MEIS2: variants seen among roughly 807,000 people sequenced by gnomAD.
The protein encoded by MEIS2 is Meis homeobox 2, also known as homeobox protein Meis2.
In MEIS2, 9 loss-of-function variants were observed where a neutral mutation model predicts 58.6. The observed-to-expected ratio is 0.15, with a 90% CI of 0.09 to 0.27. MEIS2 has a LOEUF of 0.27. MEIS2 is among the 10% of genes least tolerant of loss of function. MEIS2 has a pLI of 1.00. For synonymous variants in MEIS2, 221 were observed against 228.4 expected (o/e 0.97, Z 0.29); for missense variants, 427 against 635.0 (o/e 0.67, Z 3.52).
At chr15:36,902,604 A>T (rs772240512) in intron 9 of MEIS2, among the ~76,000 whole-genome samples, 1 of 152,236 alleles carries the variant, frequency 6.6e-6, no homozygotes, top group Non-Finnish European at 1.5e-5. Flanking sequence ...AAAGATCTCC[A>T]AGGGATTTAT....
At chr15:37,064,575 T>C (rs1254310104) in intron 7 of MEIS2, among the ~76,000 whole-genome samples, 2 of 152,306 alleles carry the variant, frequency 1.3e-5, no homozygotes, top group Middle Eastern at 3.4e-3. Flanking sequence ...CAAAATGGAA[T>C]ACTATTTTTG....
At chr15:36,925,085 A>G (rs2057689847) in intron 9 of MEIS2, among the ~76,000 whole-genome samples, 1 of 152,204 alleles carries the variant, frequency 6.6e-6, no homozygotes, top group South Asian at 2.1e-4. Flanking sequence ...TGTATCCCTC[A>G]AGGCTGTCTC....
chr15:36,999,589 A>G (rs2060648858), intron 8 of MEIS2, among the ~76,000 whole-genome samples: 1 of 152,164 alleles, frequency 6.6e-6, no homozygotes, highest in Admixed American at 6.5e-5. Context: ...CATTTTTAAG[A>G]ACACAGGGCC....
chr15:36,986,049 G>A (rs1996888), intron 8 of MEIS2, among the ~76,000 whole-genome samples: 1,567 of 152,266 alleles, frequency 0.01, 17 homozygotes, highest in Middle Eastern at 0.017. Flanking sequence ...CATGGGCATT[G>A]AGAGATAAAT....
chr15:37,085,804 T>C (rs1275126082), intron 6 of MEIS2, among the ~76,000 whole-genome samples: 1 of 152,180 alleles, frequency 6.6e-6, no homozygotes, highest in African/African-American at 2.4e-5. Context: ...TGAGCTCTCT[T>C]TTTAATCTAA....
At chr15:37,039,780 G>A (rs1465544749) in intron 7 of MEIS2, among the ~76,000 whole-genome samples, 1 of 152,054 alleles carries the variant, frequency 6.6e-6, no homozygotes, top group African/African-American at 2.4e-5. Flanking sequence ...AAACAATAAT[G>A]TGTCTAGTTT....
chr15:36,904,433 T>A (rs921556061), intron 9 of MEIS2, among the ~76,000 whole-genome samples: 3 of 152,136 alleles, frequency 2.0e-5, no homozygotes, highest in Non-Finnish European at 4.4e-5. Flanking sequence ...GAAGCCTTAT[T>A]GTAGCAACCA....
intron 9 of MEIS2, among the ~76,000 whole-genome samples, chr15:36,928,100 C>T (rs2057821813): frequency 6.6e-6 from 1 of 152,098 alleles, no homozygotes; most frequent in African/African-American, 2.4e-5. Context: ...TGTGAAAATA[C>T]TCCAGCATCA....
chr15:37,081,169 AT>A (rs575300410), intron 7 of MEIS2, among the ~76,000 whole-genome samples: 44 of 152,254 alleles, frequency 2.9e-4, no homozygotes, highest in Non-Finnish European at 5.6e-4. Flanking sequence ...ATTCATCCCT[AT>A]TTTTTGTGTT....
chr15:37,015,330 A>G (rs148767261), intron 8 of MEIS2, among the ~76,000 whole-genome samples: 10 of 152,328 alleles, frequency 6.6e-5, no homozygotes, highest in African/African-American at 2.4e-4. Flanking sequence ...TGGCCCTCTA[A>G]ACCCCTTTGA....
chr15:37,033,662 T>C (rs2062023876), intron 8 of MEIS2, among the ~76,000 whole-genome samples: 1 of 152,222 alleles, frequency 6.6e-6, no homozygotes, highest in Admixed American at 6.5e-5. Context: ...ACATTTCACT[T>C]TGAAAGTCGA....
At chr15:37,008,864 T>C (rs1345899377) in intron 8 of MEIS2, among the ~76,000 whole-genome samples, 1 of 152,144 alleles carries the variant, frequency 6.6e-6, no homozygotes, top group African/African-American at 2.4e-5. Flanking sequence ...AAGGAGAATT[T>C]TCAGGCTGAG....
chr15:36,951,310 G>C (rs1158101039), intron 8 of MEIS2, among the ~76,000 whole-genome samples: 1 of 151,998 alleles, frequency 6.6e-6, no homozygotes, highest in African/African-American at 2.4e-5. Context: ...CTATTAAATA[G>C]GTCCCTGCTC....
At chr15:37,027,436 T>C (rs559419929) in intron 8 of MEIS2, among the ~76,000 whole-genome samples, 1 of 152,326 alleles carries the variant, frequency 6.6e-6, no homozygotes, top group South Asian at 2.1e-4. Flanking sequence ...TTGCAAACTG[T>C]GGTCATGTGG....
At chr15:36,937,860 T>C (rs1028719986) in intron 9 of MEIS2, among the ~76,000 whole-genome samples, 7 of 152,176 alleles carry the variant, frequency 4.6e-5, no homozygotes, top group African/African-American at 1.7e-4. Context: ...TCTATTTGAG[T>C]CAAAATTTTT....
intron 9 of MEIS2, among the ~76,000 whole-genome samples, chr15:36,949,068 C>A (rs1462143301): frequency 6.6e-6 from 1 of 151,968 alleles, no homozygotes; most frequent in East Asian, 1.9e-4. Flanking sequence ...TTCTGTACAG[C>A]ACTAGGCATG....
chr15:37,069,654 CTG>C (rs1890422757), intron 7 of MEIS2, among the ~76,000 whole-genome samples: 1 of 152,156 alleles, frequency 6.6e-6, no homozygotes, highest in Admixed American at 6.5e-5. Context: ...CCAAGAGGGA[CTG>C]TAATTCTAGA....
chr15:36,939,817 A>T (rs1409866655), intron 9 of MEIS2, among the ~76,000 whole-genome samples: 1 of 152,224 alleles, frequency 6.6e-6, no homozygotes, highest in East Asian at 1.9e-4. Flanking sequence ...TATTTATAAT[A>T]TCTAAAATTC....
At chr15:36,977,128 A>AAAAAC (rs756499293) in intron 8 of MEIS2, among the ~76,000 whole-genome samples, 9 of 152,044 alleles carry the variant, frequency 5.9e-5, no homozygotes, top group African/African-American at 2.2e-4. Flanking sequence ...CTCCATCTCA[A>AAAAAC]AAAACAAAAC....
Sources: allele counts gnomAD v4.1 joint callset (sites outside exome capture counted in the v4.1 genomes callset), GRCh38; gene constraint gnomAD v4.1.1; transcripts MANE v1.5; gene names NCBI Gene and HGNC (gene_info 2026-07-23, HGNC 2026-07-21).